Variants in P2RX7 observed in about 807,000 individuals in gnomAD.
P2RX7 encodes purinergic receptor P2X 7, also known as P2X purinoceptor 7.
A neutral mutation model predicts 71.6 loss-of-function variants in P2RX7; 62 were observed. That is an observed-to-expected ratio of 0.87 (90% CI 0.71 to 1.07). The LOEUF is 1.07. Among genes scored for constraint, P2RX7 ranks in the 50% least tolerant of loss-of-function variants. The pLI is 0.00. For missense variants in P2RX7, 686 were observed against 748.5 expected (o/e 0.92, Z 0.97); for synonymous variants, 299 against 283.3 (o/e 1.06, Z -0.56).
intron 1 of P2RX7, among the ~76,000 whole-genome samples, chr12:121,148,244 T>A (rs923045216): frequency 1.3e-5 from 2 of 149,682 alleles, no homozygotes; most frequent in African/African-American, 4.9e-5. Context: ...AGACAGAGTC[T>A]CACTCTGTCA....
chr12:121,176,648 A>T (rs1883186149), intron 9 of P2RX7, among the ~76,000 whole-genome samples: 1 of 148,568 alleles, frequency 6.7e-6, no homozygotes, highest in Admixed American at 6.9e-5. Context: ...GCTACTTGGG[A>T]GGCTGAGGCA....
intron 1 of P2RX7, among the ~76,000 whole-genome samples, chr12:121,134,412 G>A (rs555046494): frequency 6.6e-6 from 1 of 152,290 alleles, no homozygotes; most frequent in South Asian, 2.1e-4. Flanking sequence ...TTGTCTTTGA[G>A]ATGAAGTCTT....
intron 8 of P2RX7, among the ~76,000 whole-genome samples, chr12:121,170,925 A>G (rs1351541313): frequency 1.3e-5 from 2 of 152,210 alleles, no homozygotes; most frequent in Non-Finnish European, 2.9e-5. Flanking sequence ...AAGTTGAAGA[A>G]GTTGATCACA....
intron 1 of P2RX7, among the ~76,000 whole-genome samples, chr12:121,139,433 A>C (rs901857333): frequency 6.6e-6 from 1 of 152,260 alleles, no homozygotes; most frequent in South Asian, 2.1e-4. Context: ...AATTCCACTC[A>C]GAGCTGCTGC....
In P2RX7 at chr12:121,177,410, C is replaced by G; in HGVS notation, c.1152C>G (p.Tyr384Ter). Residue 384 changes from tyrosine to a stop codon, truncating the protein, a stop_gained, in exon 11 of 13, where the codon TAC becomes TAG. Transcript: ENST00000328963. LOFTEE classifies it high-confidence loss of function. ...CCTGTGTGGTCAACGAATACTACTA[C>G]AGGAAGAAGTGCGAGTCCATTGTGG... ...CQPCVVNEYY[Y>*]RKKCESIVEP... 6.2e-7 allele frequency: 1 copy of G among 1,613,720 alleles called. No individual in the cohort carries two copies. The highest frequency in any genetic ancestry group is 1.7e-4 in the Middle Eastern group (1 of 5,728).
At chr12:121,155,513 G>A (rs1878396733) in intron 2 of P2RX7, 3 of 769,044 alleles carry the variant, frequency 3.9e-6, no homozygotes, top group Non-Finnish European at 5.7e-6. Context: ...TTAAAGTAGG[G>A]TTGAGGAGTC....
In P2RX7 at chr12:121,184,451, T is replaced by G. The variant is rs1253774078; in HGVS notation, c.1437T>G (p.Cys479Trp). The G allele has an allele frequency of 6.2e-7, 1 of 1,614,008 alleles. No homozygotes were observed. Among genetic ancestry groups the G allele is most frequent in the Non-Finnish European group, 8.5e-7 (1 of 1,180,020 alleles). Reference protein sequence around the residue: ...RSRDSPVWCQCGSCLPSQLPE... With the variant: ...RSRDSPVWCQWGSCLPSQLPE... The stretch of plus-strand genomic sequence containing the variant: ...GGGATAGCCCCGTCTGGTGCCAGTG[T>G]GGAAGCTGCCTCCCATCTCAACTCC... Residue 479 changes from cysteine to tryptophan, a missense_variant, in exon 13 of 13, where the codon TGT (cysteine) becomes TGG (tryptophan). Physicochemically the swap from Cys to Trp is radical, Grantham distance 215 (BLOSUM62 -2). Transcript: ENST00000328963.
At chr12:121,155,351 A>C in intron 2 of P2RX7, 2 of 1,296,688 alleles carry the variant, frequency 1.5e-6, no homozygotes, top group Non-Finnish European at 2.0e-6. Flanking sequence ...ATCAACAAAA[A>C]TGACTCCAGG....
At position 121,167,589 on chromosome 12, in the gene P2RX7, C is replaced by T. The variant is rs143313624; in HGVS notation, c.846C>T (p.Thr282=). The part of the protein sequence containing the change: ...KYSFRRLDDK[T]TNVSLYPGYN... ...GTTTCCGTCGCCTTGACGACAAGAC[C>T]ACCAACGTGTCCTTGTACCCTGGCT... The change falls in exon 8 of 13, where the codon ACC becomes ACT. Residue 282 remains threonine (T), a synonymous_variant. Transcript: ENST00000328963. The T allele has an allele frequency of 5.8e-5, 93 of 1,609,692 alleles. No individual in the cohort carries two copies. The highest frequency in any genetic ancestry group is 7.7e-5 in the South Asian group (7 of 90,466).
At chr12:121,166,474 G>A (rs907262981) in intron 7 of P2RX7, among the ~76,000 whole-genome samples, 1 of 152,198 alleles carries the variant, frequency 6.6e-6, no homozygotes, top group African/African-American at 2.4e-5. Context: ...TGTTGCCAGA[G>A]ATCAGAAGTT....
chr12:121,177,689 T>G (rs1299386678), intron 11 of P2RX7, among the ~76,000 whole-genome samples: 3 of 61,124 alleles, frequency 4.9e-5, no homozygotes, highest in Non-Finnish European at 1.2e-4. Context: ...AATTTTGTCA[T>G]TTATTTATTT....
intron 1 of P2RX7, among the ~76,000 whole-genome samples, chr12:121,153,228 A>T (rs553565021): frequency 5.9e-5 from 9 of 152,340 alleles, no homozygotes; most frequent in African/African-American, 2.2e-4. Flanking sequence ...GGTGGAGAAC[A>T]GCTGGGACTG....
At chr12:121,180,226 T>C (rs1159956382) in intron 11 of P2RX7, 128 bp from the exon 12 acceptor site, 5 of 448,286 alleles carry the variant, frequency 1.1e-5, no homozygotes, top group Non-Finnish European at 2.0e-5. Context: ...TCTTGGTTAA[T>C]GAGAGTTTTG....
chr12:121,132,878 T>C lies in P2RX7; in HGVS notation c.-93T>C. 3.4e-6 allele frequency: 5 copies of C among 1,466,332 alleles called. No individual in the cohort carries two copies. The highest frequency in any genetic ancestry group is 3.8e-6 in the Non-Finnish European group (4 of 1,064,156). 90.8% of individuals were successfully genotyped at this position (1,466,332 alleles called of 1,614,324 possible). A position where few individuals can be genotyped will look rare whatever the true frequency, so the allele number is the denominator to read the frequency against. Reference sequence around the variant, plus strand: ...GACTCCTGCTAAAAACCAGTACGTTTCATTTTGCAGTTACTGGGAGGGGGC... The same window carrying C: ...GACTCCTGCTAAAAACCAGTACGTTCCATTTTGCAGTTACTGGGAGGGGGC... On this transcript the variant is annotated 5_prime_UTR_variant, in exon 1 of 13. Coordinates refer to ENST00000328963, the MANE Select transcript of P2RX7 (RefSeq NM_002562.6).
chr12:121,165,501 C>T (rs1880838607), intron 6 of P2RX7, 64 bp downstream of exon 6: 2 of 1,305,156 alleles, frequency 1.5e-6, no homozygotes, highest in Non-Finnish European at 2.2e-6. Flanking sequence ...TATCCCAAAC[C>T]TCAGAAGCCT....
At chr12:121,161,779 G>A (rs1347159870) in intron 4 of P2RX7, among the ~76,000 whole-genome samples, 3 of 122,648 alleles carry the variant, frequency 2.4e-5, no homozygotes, top group South Asian at 2.6e-4. Flanking sequence ...GTGACAGAGC[G>A]AGACCCCTTT....
Position 121,165,360 on chromosome 12 carries a change from T to G in P2RX7, c.537T>G (p.Pro179=). Residue 179 remains proline (P), a synonymous_variant, in exon 6 of 13, where the codon CCT becomes CCG. Transcript: ENST00000328963. The part of the protein sequence containing the change: ...PIEAVEEAPR[P]ALLNSAENFT... The stretch of plus-strand genomic sequence containing the variant: ...ATTTTGCATGTCTCTCTCCCAGGCC[T>G]GCTCTCTTGAACAGTGCCGAAAACT... 5 of 1,613,878 alleles carry G rather than the reference T, an allele frequency of 3.1e-6. No homozygotes were observed. Among genetic ancestry groups the G allele is most frequent in the Non-Finnish European group, 4.2e-6 (5 of 1,179,814 alleles).
At chr12:121,180,607 T>C in intron 12 of P2RX7, 152 bp downstream of exon 12, 1 of 491,348 alleles carries the variant, frequency 2.0e-6, no homozygotes, top group Non-Finnish European at 3.6e-6. Flanking sequence ...AATTGAAAAT[T>C]ACTAGCAGGA....
intron 5 of P2RX7, among the ~76,000 whole-genome samples, chr12:121,163,010 T>C (rs759623654): frequency 1.3e-5 from 2 of 152,066 alleles, no homozygotes; most frequent in African/African-American, 4.8e-5. Context: ...ATTAAATGCT[T>C]ACAATGACAT....
Sources: allele counts gnomAD v4.1 joint callset (sites outside exome capture counted in the v4.1 genomes callset), GRCh38; gene constraint gnomAD v4.1.1; transcripts MANE v1.5; gene names NCBI Gene and HGNC (gene_info 2026-07-23, HGNC 2026-07-21).